WWOX: variants seen among roughly 807,000 people sequenced by gnomAD.
The protein encoded by WWOX is WW domain containing oxidoreductase.
In WWOX, 69 loss-of-function variants were observed where a neutral mutation model predicts 46.2. That is an observed-to-expected ratio of 1.49 (90% CI 1.23 to 1.82). The LOEUF (loss-of-function observed/expected upper bound fraction) is 1.82, where lower values mean the gene tolerates loss of function less well. WWOX is among the 40% of genes most tolerant of loss of function. The probability of loss-of-function intolerance (pLI) is 0.00; values close to 1 mark genes in which losing one functional copy is unlikely to be tolerated. For synonymous variants in WWOX, 359 were observed against 202.6 expected (o/e 1.77, Z -6.56); for missense variants, 919 against 542.6 (o/e 1.69, Z -6.89).
At chr16:78,178,981 G>A (rs895662358) in intron 5 of WWOX, among the ~76,000 whole-genome samples, 1 of 152,160 alleles carries the variant, frequency 6.6e-6, no homozygotes, top group Non-Finnish European at 1.5e-5. Flanking sequence ...TGGGGCTGTG[G>A]ACCATTTTGT....
intron 5 of WWOX, among the ~76,000 whole-genome samples, chr16:78,173,297 T>C (rs924717116): frequency 6.6e-6 from 1 of 151,976 alleles, no homozygotes. Flanking sequence ...TCTCTCTCTT[T>C]TCTTTTTTTG....
chr16:78,268,337 G>A (rs1459312302), intron 5 of WWOX, among the ~76,000 whole-genome samples: 1 of 152,148 alleles, frequency 6.6e-6, no homozygotes, highest in Non-Finnish European at 1.5e-5. Context: ...TCTGCAATGT[G>A]TTTTGCTTTT....
chr16:79,069,085 C>T (rs902525833), intron 8 of WWOX, among the ~76,000 whole-genome samples: 1 of 152,056 alleles, frequency 6.6e-6, no homozygotes, highest in Non-Finnish European at 1.5e-5. Context: ...GATGAACTAC[C>T]TGGAAAGAAA....
chr16:79,003,108 C>A (rs2047125869), intron 8 of WWOX, among the ~76,000 whole-genome samples: 1 of 152,196 alleles, frequency 6.6e-6, no homozygotes, highest in Admixed American at 6.5e-5. Context: ...CCTTCCAGAA[C>A]CCTCTTTTGC....
At chr16:79,018,309 G>T (rs1370073403) in intron 8 of WWOX, among the ~76,000 whole-genome samples, 1 of 152,174 alleles carries the variant, frequency 6.6e-6, no homozygotes, top group Non-Finnish European at 1.5e-5. Context: ...TCTGACAGTT[G>T]TTAATTAAAT....
At chr16:78,867,762 G>C (rs1196585850) in intron 8 of WWOX, among the ~76,000 whole-genome samples, 1 of 152,038 alleles carries the variant, frequency 6.6e-6, no homozygotes, top group Non-Finnish European at 1.5e-5. Context: ...GTAAATTGTG[G>C]AACTAATTTT....
intron 8 of WWOX, among the ~76,000 whole-genome samples, chr16:78,660,073 A>ATC (rs2047176570): frequency 6.6e-6 from 1 of 151,948 alleles, no homozygotes; most frequent in Admixed American, 6.6e-5. Context: ...AGAGTTGTTT[A>ATC]TCTTCTCTGT....
chr16:78,514,780 A>C (rs1012930391), intron 8 of WWOX, among the ~76,000 whole-genome samples: 10 of 152,204 alleles, frequency 6.6e-5, no homozygotes, highest in African/African-American at 2.4e-4. Context: ...ATACATAAAT[A>C]ATGTTACTAT....
At chr16:79,035,883 C>G (rs1391645812) in intron 8 of WWOX, among the ~76,000 whole-genome samples, 2 of 152,224 alleles carry the variant, frequency 1.3e-5, no homozygotes, top group Non-Finnish European at 2.9e-5. Flanking sequence ...GCGTGAGCCA[C>G]TACACCCAGC....
At chr16:79,053,143 A>C (rs567655607) in intron 8 of WWOX, among the ~76,000 whole-genome samples, 1 of 152,312 alleles carries the variant, frequency 6.6e-6, no homozygotes, top group Non-Finnish European at 1.5e-5. Flanking sequence ...CATGAACTCA[A>C]CGCTTTTAGG....
intron 8 of WWOX, among the ~76,000 whole-genome samples, chr16:79,164,703 A>G (rs1237966691): frequency 1.3e-5 from 2 of 152,164 alleles, no homozygotes; most frequent in African/African-American, 2.4e-5. Flanking sequence ...ATAATTAAAT[A>G]CTGGAGTGTC....
At chr16:78,757,049 C>T (rs2049668529) in intron 8 of WWOX, 3 of 702,760 alleles carry the variant, frequency 4.3e-6, no homozygotes, top group African/African-American at 3.5e-5. Context: ...GATTCTGCAG[C>T]CCTAGTTAAG....
intron 6 of WWOX, among the ~76,000 whole-genome samples, chr16:78,421,831 C>G (rs548062365): frequency 6.6e-6 from 1 of 152,108 alleles, no homozygotes; most frequent in Non-Finnish European, 1.5e-5. Flanking sequence ...ATTAACTGTG[C>G]AATTTTTGCT....
At chr16:78,962,392 A>C (rs1438803586) in intron 8 of WWOX, among the ~76,000 whole-genome samples, 1 of 138,532 alleles carries the variant, frequency 7.2e-6, no homozygotes, top group Non-Finnish European at 1.5e-5. Context: ...GGCTCTGGAC[A>C]AGGGCTAGGA....
chr16:79,032,965 T>G (rs2047794648), intron 8 of WWOX, among the ~76,000 whole-genome samples: 1 of 151,528 alleles, frequency 6.6e-6, no homozygotes, highest in African/African-American at 2.4e-5. Context: ...TTCCCCTCTT[T>G]GTGTCTATGT....
intron 6 of WWOX, among the ~76,000 whole-genome samples, chr16:78,410,885 C>T (rs1426495517): frequency 6.6e-6 from 1 of 151,538 alleles, no homozygotes; most frequent in Admixed American, 6.6e-5. Flanking sequence ...TAACATCATG[C>T]ATGGCTGTTG....
chr16:78,891,724 G>A (rs1025893796), intron 8 of WWOX: 2 of 152,152 alleles, frequency 1.3e-5, no homozygotes, highest in African/African-American at 4.8e-5. Context: ...GGTCAAGAAA[G>A]AGTCTCAGAT....
chr16:78,284,346 C>G (rs1347264668), intron 5 of WWOX, among the ~76,000 whole-genome samples: 1 of 152,202 alleles, frequency 6.6e-6, no homozygotes, highest in African/African-American at 2.4e-5. Context: ...TAAAAATTAC[C>G]CCTTCAACAC....
intron 8 of WWOX, among the ~76,000 whole-genome samples, chr16:78,874,684 C>CTTTTTTTTTTTTTTT (rs552696627): frequency 3.6e-5 from 3 of 83,494 alleles, no homozygotes; most frequent in Admixed American, 1.8e-4. Context: ...AGATTTTTTT[C>CTTTTTTTTTTTTTTT]TTTTTTTTTT....
Sources: allele counts gnomAD v4.1 joint callset (sites outside exome capture counted in the v4.1 genomes callset), GRCh38; gene constraint gnomAD v4.1.1; transcripts MANE v1.5; gene names NCBI Gene and HGNC (gene_info 2026-07-23, HGNC 2026-07-21).